The following KIF26A variants were observed in gnomAD, a reference collection of about 807,000 sequenced individuals.
KIF26A encodes the protein kinesin family member 26A, also known as kinesin-like protein KIF26A.
A neutral mutation model predicts 126.0 loss-of-function variants in KIF26A; 74 were observed. The ratio of observed to expected loss-of-function variants is 0.59; its 90% CI spans 0.49 to 0.71. KIF26A has a LOEUF of 0.71. Ranked by LOEUF, KIF26A falls within the 30% of genes least tolerant of loss-of-function variation. The pLI is 0.00. For synonymous variants in KIF26A, 1,445 were observed against 1,232.7 expected, an observed-to-expected ratio of 1.17 and a Z score of -3.61; for missense variants, 2,984 against 2,763.3, an observed-to-expected ratio of 1.08 and a Z score of -1.79.
At chr14:104,167,107 C>CTT (rs2037913931) in intron 5 of KIF26A, 59 bp downstream of exon 5, 2 of 1,426,320 alleles carry the variant, frequency 1.4e-6, no homozygotes, top group Admixed American at 5.5e-5. Flanking sequence ...TCTGAGAAGA[C>CTT]GCAGGAGGGG....
intron 2 of KIF26A, among the ~76,000 whole-genome samples, chr14:104,150,209 T>TCCCCCCCCCCCC (rs2037715676): frequency 2.5e-5 from 2 of 79,414 alleles, no homozygotes; most frequent in African/African-American, 1.0e-4. Context: ...CCCCACCCCC[T>TCCCCCCCCCCCC]CCTCCTCCTC....
chr14:104,179,417 G>A lies in KIF26A; in HGVS notation c.5467+31G>A, dbSNP rs559845333. The stretch of plus-strand genomic sequence containing the variant: ...TCCCGCCCGCCCACGGACCCAGCCC[G>A]GCCCACCGTGTGCCCTGACAGCTGC... On this transcript the variant is annotated intron_variant, in intron 14 of 14. Transcript: ENST00000423312. The A allele has an allele frequency of 1.2e-4, 180 of 1,469,364 alleles. 1 individual carries two copies. The highest frequency in any genetic ancestry group is 7.0e-4 in the South Asian group (51 of 73,196). The allele number at this position is 1,469,364 out of a possible 1,614,324, so 91.0% of individuals were successfully genotyped here.
chr14:104,147,634 C>T lies in KIF26A; in HGVS notation c.289-4381C>T, dbSNP rs547852898. Among the ~76,000 whole-genome samples, 359 of 152,332 alleles carry T rather than the reference C, an allele frequency of 2.4e-3. 1 individual carries two copies. The highest frequency in any genetic ancestry group is 3.9e-3 in the Non-Finnish European group (267 of 68,018). On this transcript the variant is annotated intron_variant, in intron 2 of 14. Coordinates refer to ENST00000423312, the MANE Select transcript of KIF26A (RefSeq NM_015656.2). ...TTGCCCCCCGCCCTGATGGGCTGCA[C>T]CAGACGTGGAAATGTCCTGGACAGC...
intron 2 of KIF26A, among the ~76,000 whole-genome samples, chr14:104,147,839 T>TCAC (rs879837734): frequency 3.9e-5 from 6 of 152,184 alleles, no homozygotes; most frequent in Non-Finnish European, 7.4e-5. Flanking sequence ...CACGCATGCC[T>TCAC]CACTGCGTGG....
intron 2 of KIF26A, among the ~76,000 whole-genome samples, chr14:104,145,118 A>G (rs898458944): frequency 3.3e-5 from 5 of 152,018 alleles, no homozygotes; most frequent in Admixed American, 3.3e-4. Context: ...GGAGGCTGCC[A>G]CCCCCACCAC....
At position 104,151,613 on chromosome 14, in the gene KIF26A, G is replaced by A. The variant is rs920218321; in HGVS notation, c.289-402G>A. On this transcript the variant is annotated intron_variant, in intron 2 of 14. Coordinates refer to ENST00000423312, the MANE Select transcript of KIF26A (RefSeq NM_015656.2). This position sits in a 1 kb window ranked among gnomAD's most constrained non-coding sequence, Gnocchi z 4.9. The stretch of plus-strand genomic sequence containing the variant: ...CCTGGCTCTGCCTTGAGTGAGTGTG[G>A]GTGAGGGAGGCCCTCGTGGCTCTGA... Among the ~76,000 whole-genome samples, 3 of 152,228 alleles carry A rather than the reference G, an allele frequency of 2.0e-5. No homozygotes were observed. Among genetic ancestry groups the A allele is most frequent in the Non-Finnish European group, 4.4e-5 (3 of 68,046 alleles).
At chr14:104,150,570 C>A (rs116957418) in intron 2 of KIF26A, among the ~76,000 whole-genome samples, 4,999 of 152,236 alleles carry the variant, frequency 0.033, 91 homozygotes, top group Non-Finnish European at 0.051. Context: ...GCCCAGCCAG[C>A]CAAGGGCAGG....
intron 2 of KIF26A, among the ~76,000 whole-genome samples, chr14:104,150,955 G>A (rs1212611174): frequency 2.0e-5 from 3 of 152,024 alleles, no homozygotes; most frequent in African/African-American, 7.2e-5. Context: ...CAGACGCAGA[G>A]GGCCTGGCCC....
intron 2 of KIF26A, among the ~76,000 whole-genome samples, chr14:104,145,129 G>T (rs762800740): frequency 2.0e-5 from 3 of 152,236 alleles, no homozygotes; most frequent in Non-Finnish European, 4.4e-5. Flanking sequence ...CCCCCACCAC[G>T]GTGTGTCCTT....
intron 2 of KIF26A, among the ~76,000 whole-genome samples, chr14:104,142,763 G>A (rs1191356069): frequency 6.6e-6 from 1 of 152,188 alleles, no homozygotes; most frequent in South Asian, 2.1e-4. Context: ...CCCAGTCCTG[G>A]TTTCCCCCAC....
chr14:104,174,865 C>T (rs778031698), intron 11 of KIF26A, 117 bp from the exon 12 acceptor site: 257 of 1,090,244 alleles, frequency 2.4e-4, no homozygotes, highest in Non-Finnish European at 2.8e-4. Flanking sequence ...GTTGGTGGTG[C>T]CTGCTGTAGT....
At chr14:104,164,187 G>A (rs1262136706) in intron 4 of KIF26A, among the ~76,000 whole-genome samples, 1 of 152,122 alleles carries the variant, frequency 6.6e-6, no homozygotes, top group Non-Finnish European at 1.5e-5. Flanking sequence ...GCTCTGGGGT[G>A]CAGGTCCTTC....
Position 104,177,049 on chromosome 14 carries a change from G to A in KIF26A, c.4261G>A (p.Ala1421Thr). ...CCCCAGGGCCACGTCCAGCCTGAAG[G>A]CCCGGGCCAGCAAGGTAGAAGCAGC... ...SVPRATSSLK[A>T]RASKVEAAHR... Residue 1421 changes from alanine (A) to threonine (T), a missense_variant, in exon 12 of 15, where the codon GCC becomes ACC. Ala to Thr is a moderately conservative substitution (Grantham distance 58). Coordinates refer to ENST00000423312, the MANE Select transcript of KIF26A (RefSeq NM_015656.2). 2 of 1,584,512 alleles carry A rather than the reference G, an allele frequency of 1.3e-6. No homozygotes were observed. Among genetic ancestry groups the A allele is most frequent in the Non-Finnish European group, 1.7e-6 (2 of 1,173,760 alleles).
rs772107631 is a variant in KIF26A at position 104,173,442 on chromosome 14, G to A, written c.1796G>A (p.Arg599Gln). Reference protein sequence around the residue: ...TSRAGCGEDARRSSHMLFTLH... With the variant: ...TSRAGCGEDAQRSSHMLFTLH... ...CGAGCGGGCTGTGGCGAGGACGCCC[G>A]ACGCAGCTCCCACATGTTGTTCACG... Residue 599 changes from arginine (R) to glutamine (Q), a missense_variant, in exon 9 of 15, where the codon CGA (arginine) becomes CAA (glutamine). By Grantham distance (43) the Arg-to-Gln change is conservative (BLOSUM62 1). Transcript: ENST00000423312. 33 of 1,586,392 alleles carry A rather than the reference G, an allele frequency of 2.1e-5. No homozygotes were observed. Among genetic ancestry groups the A allele is most frequent in the Non-Finnish European group, 2.3e-5 (27 of 1,166,532 alleles).
chr14:104,152,774 G>T lies in KIF26A; in HGVS notation c.735+313G>T, dbSNP rs913216815. ...CAGCACAGGGCTTGGCGATGCACAGGGCACCGTGTGTAGATCGGGGCTCAC... is the reference window on the plus strand; with the variant it reads ...CAGCACAGGGCTTGGCGATGCACAGTGCACCGTGTGTAGATCGGGGCTCAC... On this transcript the variant is annotated intron_variant, in intron 3 of 14. Transcript: ENST00000423312. The surrounding 1 kb of genome is among the most constrained non-coding windows in gnomAD (Gnocchi z 5.9). Among the ~76,000 whole-genome samples the T allele has an allele frequency of 6.6e-6, 1 of 152,206 alleles. No individual in the cohort carries two copies. Among genetic ancestry groups the T allele is most frequent in the African/African-American group, 2.4e-5 (1 of 41,454 alleles).
intron 2 of KIF26A, among the ~76,000 whole-genome samples, chr14:104,140,595 G>T (rs1033737613): frequency 6.6e-6 from 1 of 152,160 alleles, no homozygotes; most frequent in Non-Finnish European, 1.5e-5. Context: ...GCATGGACTC[G>T]TGGAGGGGAG....
At position 104,172,687 on chromosome 14, in the gene KIF26A, C is replaced by T. The variant is rs374126938; in HGVS notation, c.1420+19C>T. On this transcript the variant is annotated intron_variant, in intron 7 of 14. Transcript: ENST00000423312. Reference sequence around the variant, plus strand: ...AGCCTGGGTAAGCACCCTTGCCCCACCCTAGATGGGTCCTGCTGGCCACCC... The same window carrying T: ...AGCCTGGGTAAGCACCCTTGCCCCATCCTAGATGGGTCCTGCTGGCCACCC... 22 of 1,576,024 alleles carry T rather than the reference C, an allele frequency of 1.4e-5. No homozygotes were observed. The Admixed American group carries it at 1.7e-4, about 12-fold the overall frequency.
At position 104,177,563 on chromosome 14, in the gene KIF26A, A is replaced by G. The variant is rs1819901366; in HGVS notation, c.4775A>G (p.His1592Arg). 2 of 1,537,376 alleles carry G rather than the reference A, an allele frequency of 1.3e-6. No homozygotes were observed. The highest frequency in any genetic ancestry group is 1.7e-6 in the Non-Finnish European group (2 of 1,147,030). ...GGCTCGGCGGACTCAGACAGCGGCC[A>G]TGACAGCGGCGTGAACGTGGGGGAG... is the stretch of plus-strand genomic sequence containing the variant. ...SWGSADSDSG[H>R]DSGVNVGEER... Residue 1592 changes from histidine to arginine, a missense_variant, in exon 12 of 15, where the codon CAT (histidine) becomes CGT (arginine). Transcript: ENST00000423312.
At chr14:104,147,059 C>G (rs2037686551) in intron 2 of KIF26A, among the ~76,000 whole-genome samples, 1 of 152,118 alleles carries the variant, frequency 6.6e-6, no homozygotes, top group Non-Finnish European at 1.5e-5. Flanking sequence ...CACGGGGCCC[C>G]TTGGTTCACC....
Sources: allele counts gnomAD v4.1 joint callset (sites outside exome capture counted in the v4.1 genomes callset), GRCh38; gene constraint gnomAD v4.1.1; non-coding constraint Gnocchi (gnomAD v3.1); transcripts MANE v1.5; gene names NCBI Gene and HGNC (gene_info 2026-07-23, HGNC 2026-07-21).